The following APBA2 variants were observed in gnomAD, a reference collection of about 807,000 sequenced individuals.
APBA2 encodes the protein amyloid-beta A4 precursor protein-binding family A member 2.
Under a neutral mutation model 75.0 loss-of-function variants are expected in APBA2, and 30 were observed. The observed-to-expected ratio is 0.40, with a 90% CI of 0.30 to 0.54. APBA2 has a LOEUF of 0.54. Among genes scored for constraint, APBA2 ranks in the 20% least tolerant of loss-of-function variants. APBA2 has a pLI of 0.49. For synonymous variants in APBA2, 444 were observed against 409.6 expected (o/e 1.08, Z -1.01); for missense variants, 801 against 1,016.1 (o/e 0.79, Z 2.88).
At chr15:28,966,651 G>A (rs761677035) in intron 2 of APBA2, among the ~76,000 whole-genome samples, 2 of 152,162 alleles carry the variant, frequency 1.3e-5, no homozygotes, top group Non-Finnish European at 2.9e-5. Flanking sequence ...GTTATTTGAT[G>A]TAGTTAGACC....
intron 3 of APBA2, among the ~76,000 whole-genome samples, chr15:29,024,787 A>C (rs2040131710): frequency 1.3e-5 from 2 of 152,122 alleles, no homozygotes; most frequent in Non-Finnish European, 1.5e-5. Flanking sequence ...TCTGCCTGAC[A>C]TGTTTATTCT....
chr15:29,102,084 G>A, intron 10 of APBA2: 1 of 527,766 alleles, frequency 1.9e-6, no homozygotes, highest in Non-Finnish European at 3.4e-6. Context: ...TAAAAATGAA[G>A]TTAATCTTTG....
chr15:28,974,084 A>G (rs771377066), intron 2 of APBA2, among the ~76,000 whole-genome samples: 12 of 152,186 alleles, frequency 7.9e-5, no homozygotes, highest in Non-Finnish European at 1.3e-4. Flanking sequence ...ACCCAACTCT[A>G]TGCTGTATAA....
intron 2 of APBA2, among the ~76,000 whole-genome samples, chr15:28,985,687 C>T (rs574310446): frequency 1.3e-5 from 2 of 152,320 alleles, no homozygotes; most frequent in Non-Finnish European, 2.9e-5. Context: ...AGTTCCACAG[C>T]GGATCTTCGA....
At position 29,046,084 on chromosome 15, in the gene APBA2, T is replaced by C. The variant is rs1348472202; in HGVS notation, c.-40-7761T>C. 6.6e-6 allele frequency among the ~76,000 whole-genome samples: 1 copy of C among 152,184 alleles called. No homozygotes were observed. The highest frequency in any genetic ancestry group is 1.5e-5 in the Non-Finnish European group (1 of 68,028). The stretch of plus-strand genomic sequence containing the variant: ...ATTTGGCAGCTATGTGGGACCTTCC[T>C]TCAGGCACTAAAGGGCTTCCTGAAA... On this transcript the variant is annotated intron_variant, in intron 3 of 14. Transcript: ENST00000683413. This position sits in a 1 kb window ranked among gnomAD's most constrained non-coding sequence, Gnocchi z 5.0.
intron 4 of APBA2, among the ~76,000 whole-genome samples, chr15:29,059,881 C>G (rs1425036698): frequency 6.6e-6 from 1 of 152,190 alleles, no homozygotes; most frequent in East Asian, 1.9e-4. Flanking sequence ...ATTTCTCACA[C>G]ACAAGTAGCA....
chr15:28,959,958 A>C (rs2036376692), intron 2 of APBA2, among the ~76,000 whole-genome samples: 1 of 152,152 alleles, frequency 6.6e-6, no homozygotes, highest in South Asian at 2.1e-4. Context: ...AGCCTGGGCA[A>C]CATGGTGAAA....
At chr15:29,066,449 A>G (rs765330974) in intron 4 of APBA2, among the ~76,000 whole-genome samples, 13 of 152,258 alleles carry the variant, frequency 8.5e-5, no homozygotes, top group Non-Finnish European at 1.5e-4. Flanking sequence ...GCAATGAGCC[A>G]GTCACAAAAG....
intron 1 of APBA2, among the ~76,000 whole-genome samples, chr15:28,891,302 T>C (rs2032112710): frequency 6.6e-6 from 1 of 152,200 alleles, no homozygotes; most frequent in Admixed American, 6.5e-5. Flanking sequence ...CACTCTGCTG[T>C]GACGGGGCAG....
Position 29,117,471 on chromosome 15 carries a change from A to G in APBA2, c.*338A>G, listed in dbSNP as rs564061410. On this transcript the variant is annotated 3_prime_UTR_variant, in exon 15 of 15. Coordinates refer to ENST00000683413, the MANE Select transcript of APBA2 (RefSeq NM_001353788.2). ...GTCTTTCCTCCCTGAAGCTGTGCGGAGCGAACTGGCGCCTCCGAGGGACGC... is the reference window on the plus strand; with the variant it reads ...GTCTTTCCTCCCTGAAGCTGTGCGGGGCGAACTGGCGCCTCCGAGGGACGC... 3.0e-4 allele frequency: 109 copies of G among 363,866 alleles called. No homozygotes were observed. The highest frequency in any genetic ancestry group is 2.2e-3 in the African/African-American group (105 of 47,622). 22.5% of individuals were successfully genotyped at this position (363,866 alleles called of 1,614,324 possible).
chr15:29,025,073 C>T lies in APBA2; in HGVS notation c.-40-28772C>T, dbSNP rs545845724. On this transcript the variant is annotated intron_variant, in intron 3 of 14. Transcript: ENST00000683413. The stretch of plus-strand genomic sequence containing the variant: ...GTTCTTGGCAAGAATACTTCATAAG[C>T]GGTGGTGTATGCATTCTATTGCAGC... 6.6e-5 allele frequency among the ~76,000 whole-genome samples: 10 copies of T among 152,228 alleles called. No individual in the cohort carries two copies. The South Asian group carries it at 8.3e-4, about 13-fold the overall frequency.
chr15:29,001,957 A>T (rs1283850360), intron 3 of APBA2, among the ~76,000 whole-genome samples: 1 of 152,202 alleles, frequency 6.6e-6, no homozygotes, highest in African/African-American at 2.4e-5. Flanking sequence ...AATTCTAATT[A>T]ATGACATTAG....
rs900316589 is a variant in APBA2 at position 28,967,729 on chromosome 15, C to T, written c.-94-28024C>T. Among the ~76,000 whole-genome samples the T allele has an allele frequency of 1.2e-4, 19 of 152,190 alleles. 1 individual carries two copies. Among genetic ancestry groups the T allele is most frequent in the South Asian group, 1.2e-3 (6 of 4,814 alleles). ...CTAGGATTATAGGTGTGAGCCTCCGCGCCCGGCCCCTTTCTTTATTTTTAA... is the reference window on the plus strand; with the variant it reads ...CTAGGATTATAGGTGTGAGCCTCCGTGCCCGGCCCCTTTCTTTATTTTTAA... On this transcript the variant is annotated intron_variant, in intron 2 of 14. Coordinates refer to ENST00000683413, the MANE Select transcript of APBA2 (RefSeq NM_001353788.2).
At chr15:28,929,525 G>A (rs2034451579) in intron 2 of APBA2, among the ~76,000 whole-genome samples, 2 of 152,170 alleles carry the variant, frequency 1.3e-5, no homozygotes, top group Non-Finnish European at 2.9e-5. Flanking sequence ...CTTTAGCATG[G>A]CACTTTGTAT....
At chr15:28,959,067 C>A (rs1449182699) in intron 2 of APBA2, among the ~76,000 whole-genome samples, 1 of 152,150 alleles carries the variant, frequency 6.6e-6, no homozygotes, top group Non-Finnish European at 1.5e-5. Flanking sequence ...TGGTTCACTG[C>A]AACCTCCACC....
intron 4 of APBA2, among the ~76,000 whole-genome samples, chr15:29,055,088 A>G (rs755561009): frequency 1.3e-5 from 2 of 152,234 alleles, no homozygotes; most frequent in Non-Finnish European, 2.9e-5. Context: ...GTCTCGCAGA[A>G]GACACCCCTC....
intron 2 of APBA2, among the ~76,000 whole-genome samples, chr15:28,984,182 G>A (rs1163933269): frequency 6.6e-6 from 1 of 152,124 alleles, no homozygotes; most frequent in East Asian, 1.9e-4. Flanking sequence ...GGGGTTGAAA[G>A]CAAGCTCTCG....
chr15:28,915,361 A>ATGTATAC (rs2033641191), intron 1 of APBA2, among the ~76,000 whole-genome samples: 1 of 123,852 alleles, frequency 8.1e-6, no homozygotes, highest in Non-Finnish European at 1.7e-5. Flanking sequence ...CACACATACC[A>ATGTATAC]CACACACCTC....
chr15:28,956,043 A>G (rs1305345583), intron 2 of APBA2, among the ~76,000 whole-genome samples: 2 of 152,212 alleles, frequency 1.3e-5, no homozygotes, highest in African/African-American at 2.4e-5. Context: ...TGCACATCAC[A>G]TCCGGTCCAG....
Sources: gnomAD v4.1 joint callset for allele counts (sites outside exome capture counted in the v4.1 genomes callset) on GRCh38, gnomAD v4.1.1 for gene constraint, Gnocchi (gnomAD v3.1) non-coding constraint, MANE v1.5 for transcripts, NCBI Gene and HGNC (gene_info 2026-07-23, HGNC 2026-07-21) for gene names.